The following JAZF1 variants were observed in gnomAD, a reference collection of about 807,000 sequenced individuals.
JAZF1 encodes JAZF zinc finger 1.
A neutral mutation model predicts 26.4 loss-of-function variants in JAZF1; 8 were observed. That is an observed-to-expected ratio of 0.30 (90% CI 0.18 to 0.55). The LOEUF is 0.55. JAZF1 is among the 20% of genes least tolerant of loss of function. JAZF1 has a pLI of 0.94. For missense variants in JAZF1, 199 were observed against 322.0 expected, an observed-to-expected ratio of 0.62 and a Z score of 2.92; for synonymous variants, 126 against 122.3, an observed-to-expected ratio of 1.03 and a Z score of -0.20.
At chr7:28,072,901 GTGATGACATTA>G (rs202003913) in intron 1 of JAZF1, among the ~76,000 whole-genome samples, 2,312 of 152,174 alleles carry the variant, frequency 0.015, 23 homozygotes, top group Middle Eastern at 0.031. Flanking sequence ...AACCAAAATG[GTGATGACATTA>G]TGTGAATAAC....
intron 2 of JAZF1, among the ~76,000 whole-genome samples, chr7:27,986,102 G>T (rs1785699894): frequency 6.6e-6 from 1 of 152,232 alleles, no homozygotes; most frequent in Admixed American, 6.5e-5. Flanking sequence ...AGTGTTGGAA[G>T]CTCTGGCCAG....
intron 3 of JAZF1, among the ~76,000 whole-genome samples, chr7:27,878,336 GA>G (rs1783716073): frequency 6.6e-6 from 1 of 151,708 alleles, no homozygotes; most frequent in Non-Finnish European, 1.5e-5. Flanking sequence ...ATGATCCATT[GA>G]AAAATATATT....
chr7:28,148,363 G>A (rs906623856), intron 1 of JAZF1, among the ~76,000 whole-genome samples: 7 of 152,116 alleles, frequency 4.6e-5, no homozygotes, highest in South Asian at 4.1e-4. Flanking sequence ...GAGCCACCGC[G>A]CCTGGCCCAC....
intron 1 of JAZF1, among the ~76,000 whole-genome samples, chr7:28,014,374 G>GTTATC (rs1782848067): frequency 6.6e-6 from 1 of 152,132 alleles, no homozygotes; most frequent in Non-Finnish European, 1.5e-5. Flanking sequence ...GGTTGATATG[G>GTTATC]TTTGGCTGTG....
intron 1 of JAZF1, among the ~76,000 whole-genome samples, chr7:27,995,855 C>T (rs1055233662): frequency 2.0e-5 from 3 of 152,172 alleles, no homozygotes; most frequent in African/African-American, 7.2e-5. Flanking sequence ...ACAGCACTAG[C>T]TCCCATTGCT....
At chr7:27,998,025 AGAAGGAAGGAAGGAAGGAAGGAAG>A (rs199643152) in intron 1 of JAZF1, among the ~76,000 whole-genome samples, 10 of 111,290 alleles carry the variant, frequency 9.0e-5, no homozygotes, top group South Asian at 3.8e-4. Context: ...AATGGGGGGA[AGAAGGAAGGAAGGAAGGAAGGAAG>A]GAAGGAAGGA....
At chr7:28,177,562 G>T (rs1334616966) in intron 1 of JAZF1, among the ~76,000 whole-genome samples, 2 of 152,076 alleles carry the variant, frequency 1.3e-5, no homozygotes, top group Non-Finnish European at 2.9e-5. Flanking sequence ...ACCCAGATAG[G>T]CCCCCAAAAT....
intron 1 of JAZF1, among the ~76,000 whole-genome samples, chr7:28,142,988 G>A (rs1782980186): frequency 6.6e-6 from 1 of 152,190 alleles, no homozygotes; most frequent in South Asian, 2.1e-4. Flanking sequence ...TGGGAGTCAG[G>A]AGAGCTTTCA....
intron 1 of JAZF1, among the ~76,000 whole-genome samples, chr7:28,002,749 C>A (rs528709750): frequency 6.6e-6 from 1 of 152,134 alleles, no homozygotes; most frequent in Non-Finnish European, 1.5e-5. Context: ...TATTTTCCCC[C>A]CTTTCCCTCC....
At chr7:28,072,596 A>G (rs2127911125) in intron 1 of JAZF1, among the ~76,000 whole-genome samples, 1 of 152,354 alleles carries the variant, frequency 6.6e-6, no homozygotes, top group South Asian at 2.1e-4. Context: ...AAGTAATTAT[A>G]AAAATTAGAA....
intron 1 of JAZF1, among the ~76,000 whole-genome samples, chr7:28,049,007 T>TCCTCCCCC (rs1783543637): frequency 8.1e-6 from 1 of 123,584 alleles, no homozygotes; most frequent in African/African-American, 3.5e-5. Flanking sequence ...TTCCCTTCCT[T>TCCTCCCCC]CCTCCCTCCC....
chr7:27,922,577 T>G (rs1784550529), intron 2 of JAZF1, among the ~76,000 whole-genome samples: 1 of 152,100 alleles, frequency 6.6e-6, no homozygotes, highest in African/African-American at 2.4e-5. Context: ...GTCAGCAAAA[T>G]AACCAAATAA....
At chr7:27,982,724 T>A (rs1785611504) in intron 2 of JAZF1, among the ~76,000 whole-genome samples, 1 of 151,956 alleles carries the variant, frequency 6.6e-6, no homozygotes, top group African/African-American at 2.4e-5. Context: ...TGACACCTCA[T>A]ACACCTCTGA....
intron 3 of JAZF1, chr7:27,841,428 G>A (rs1314398349): frequency 6.6e-6 from 1 of 152,552 alleles, no homozygotes; most frequent in African/African-American, 2.4e-5. Context: ...ACTAAAAGAG[G>A]GTTACCCTCA....
In JAZF1 at chr7:27,847,997, T is replaced by C. The variant is rs926598254; in HGVS notation, c.386-7130A>G. ...TATAATTTTAAAGCAGGAACTGTGA[T>C]GCCTCCAACTTTACTTTTTCTTTCT... is the stretch of plus-strand genomic sequence containing the variant. On this transcript the variant is annotated intron_variant, in intron 3 of 4. Transcript: ENST00000283928. 5.9e-5 allele frequency among the ~76,000 whole-genome samples: 9 copies of C among 152,300 alleles called. No individual in the cohort carries two copies. The East Asian group carries it at 1.7e-3, about 29-fold the overall frequency.
At chr7:28,132,608 A>G (rs1231213613) in intron 1 of JAZF1, among the ~76,000 whole-genome samples, 1 of 152,200 alleles carries the variant, frequency 6.6e-6, no homozygotes, top group African/African-American at 2.4e-5. Flanking sequence ...GGAGCATAGA[A>G]TGATCTTCTG....
chr7:28,008,376 C>T (rs1223651538), intron 1 of JAZF1, among the ~76,000 whole-genome samples: 2 of 152,044 alleles, frequency 1.3e-5, no homozygotes, highest in Non-Finnish European at 2.9e-5. Context: ...CCACTATGCT[C>T]AGTGAATTAA....
chr7:28,079,434 TCTGA>T (rs1357317625), intron 1 of JAZF1, among the ~76,000 whole-genome samples: 1 of 151,256 alleles, frequency 6.6e-6, no homozygotes, highest in Non-Finnish European at 1.5e-5. Context: ...CCCATTTTTC[TCTGA>T]CAGACACTGA....
intron 2 of JAZF1, among the ~76,000 whole-genome samples, chr7:27,979,637 C>G (rs898769507): frequency 1.3e-5 from 2 of 152,040 alleles, no homozygotes; most frequent in African/African-American, 4.8e-5. Flanking sequence ...TGACAATAAT[C>G]TGAAAGAAAC....
Sources: allele counts gnomAD v4.1 joint callset (sites outside exome capture counted in the v4.1 genomes callset), GRCh38; gene constraint gnomAD v4.1.1; transcripts MANE v1.5; gene names NCBI Gene and HGNC (gene_info 2026-07-23, HGNC 2026-07-21).